PADI3: variants seen among roughly 807,000 people sequenced by gnomAD.
The protein encoded by PADI3 is peptidyl arginine deiminase 3, also known as protein-arginine deiminase type-3.
PADI3 carries 53 observed loss-of-function variants against 71.5 expected under a neutral mutation model. The observed-to-expected ratio is 0.74, with a 90% confidence interval of 0.59 to 0.93. The LOEUF (loss-of-function observed/expected upper bound fraction) is 0.93. Ranked by LOEUF, PADI3 falls within the 40% of genes least tolerant of loss-of-function variation. PADI3 has a pLI of 0.00. For synonymous variants in PADI3, 361 were observed against 347.5 expected, an observed-to-expected ratio of 1.04 and a Z score of -0.43; for missense variants, 821 against 868.0, an observed-to-expected ratio of 0.95 and a Z score of 0.68.
chr1:17,252,408 T>G (rs1433166067), intron 1 of PADI3, among the ~76,000 whole-genome samples: 4 of 150,916 alleles, frequency 2.7e-5, no homozygotes, highest in African/African-American at 9.7e-5. Flanking sequence ...TTCTTTTTTT[T>G]TTTTTTTTGT....
intron 5 of PADI3, among the ~76,000 whole-genome samples, 167 bp downstream of exon 5, chr1:17,267,003 C>T (rs1188665697): frequency 2.0e-5 from 3 of 152,226 alleles, no homozygotes; most frequent in Admixed American, 6.5e-5. Flanking sequence ...TGGCAGCTGC[C>T]CCTCCCTAGT....
intron 1 of PADI3, among the ~76,000 whole-genome samples, chr1:17,257,916 T>A (rs1258951706): frequency 6.6e-6 from 1 of 152,166 alleles, no homozygotes; most frequent in African/African-American, 2.4e-5. Flanking sequence ...CCTGCCGTGA[T>A]AAGAGTGCAG....
At chr1:17,277,525 T>C (rs995461923) in intron 13 of PADI3, among the ~76,000 whole-genome samples, 1 of 152,196 alleles carries the variant, frequency 6.6e-6, no homozygotes, top group African/African-American at 2.4e-5. Flanking sequence ...TTTTGTGAGG[T>C]CTGATGGATC....
In PADI3 at chr1:17,278,769, T is replaced by C. The variant is rs554675130; in HGVS notation, c.1556-1581T>C. The stretch of plus-strand genomic sequence containing the variant: ...CATAGATTTTCTTGGTCCCATGGCC[T>C]CAGGGAAGGCAGATAGCATCCTAGA... On this transcript the variant is annotated intron_variant, in intron 13 of 15. Coordinates refer to ENST00000375460, the MANE Select transcript of PADI3 (RefSeq NM_016233.2). Among the ~76,000 whole-genome samples, 17 of 152,086 alleles carry C rather than the reference T, an allele frequency of 1.1e-4. 1 individual carries two copies. Among genetic ancestry groups the C allele is most frequent in the African/African-American group, 4.1e-4 (17 of 41,464 alleles).
intron 3 of PADI3, among the ~76,000 whole-genome samples, chr1:17,263,863 A>G (rs538147543): frequency 1.5e-3 from 226 of 152,222 alleles, no homozygotes; most frequent in Non-Finnish European, 2.8e-3. Context: ...AACCCAAATT[A>G]AAAGATGCCT....
intron 13 of PADI3, among the ~76,000 whole-genome samples, chr1:17,277,677 C>G (rs2073353089): frequency 6.6e-6 from 1 of 152,254 alleles, no homozygotes; most frequent in Non-Finnish European, 1.5e-5. Context: ...ATCTCTGTCA[C>G]TGTCCTGAGA....
Position 17,265,659 on chromosome 1 carries a change from ACATCTCTCTGGATTG to A in PADI3, c.349_363del (p.Ile117_Cys121del), listed in dbSNP as rs1432281448. 2 of 1,614,070 alleles carry A rather than the reference ACATCTCTCTGGATTG, an allele frequency of 1.2e-6. No individual in the cohort carries two copies. The highest frequency in any genetic ancestry group is 8.5e-7 in the Non-Finnish European group (1 of 1,179,930). On this transcript the variant is annotated inframe_deletion and splice_region_variant, in exon 4 of 16. Coordinates refer to ENST00000375460, the MANE Select transcript of PADI3 (RefSeq NM_016233.2). ...ACTTACCCTCTGCCTCCTCTTGCAG[ACATCTCTCTGGATTG>A]CGACCTGAACTGTGAGGGAAGGCAG...
rs532392877 is a variant in PADI3, at chr1:17,270,287, C to G, written c.707C>G (p.Ser236Cys). The G allele has an allele frequency of 4.8e-5, 77 of 1,613,874 alleles. No homozygotes were observed. The highest frequency in any genetic ancestry group is 4.7e-4 in the Admixed American group (28 of 59,978). The change falls in exon 7 of 16, where the codon TCC (serine) becomes TGC (cysteine). Residue 236 changes from serine to cysteine, a missense_variant. Ser to Cys is a moderately radical substitution (Grantham distance 112). Coordinates refer to ENST00000375460, the MANE Select transcript of PADI3 (RefSeq NM_016233.2). ...CATGTGCTGGGCCAAGATAAGGTGT[C>G]CTATGAGGTACCCCGCTTGCATGGG... ...YRHVLGQDKV[S>C]YEVPRLHGDE... is the part of the protein sequence containing the mutation.
chr1:17,270,413 T>C lies in PADI3; in HGVS notation c.831+2T>C, dbSNP rs2073231475. 1.2e-6 allele frequency: 2 copies of C among 1,609,560 alleles called. No homozygotes were observed. Among genetic ancestry groups the C allele is most frequent in the African/African-American group, 1.4e-5 (1 of 73,842 alleles). On this transcript the variant is annotated splice_donor_variant, in intron 7 of 15. Transcript: ENST00000375460. LOFTEE classifies it high-confidence loss of function. Reference sequence around the variant, plus strand: ...ACTCTGCTGGACGACTCCAACGAGGTAGGGACAGAGGGGGTTCAAGAGGAG... The same window carrying C: ...ACTCTGCTGGACGACTCCAACGAGGCAGGGACAGAGGGGGTTCAAGAGGAG...
chr1:17,261,974 G>A (rs975944078), intron 2 of PADI3, among the ~76,000 whole-genome samples, 159 bp from the exon 3 acceptor site: 2 of 152,198 alleles, frequency 1.3e-5, no homozygotes, highest in African/African-American at 4.8e-5. Flanking sequence ...TTACAGATAT[G>A]CCAACCAAGA....
chr1:17,271,548 A>G (rs2073251427), intron 9 of PADI3, among the ~76,000 whole-genome samples: 1 of 152,086 alleles, frequency 6.6e-6, no homozygotes, highest in Non-Finnish European at 1.5e-5. Flanking sequence ...AGCCCCCACA[A>G]TAACATATCA....
At position 17,276,650 on chromosome 1, in the gene PADI3, C is replaced by G; in HGVS notation, c.1439C>G (p.Ala480Gly). 6.2e-7 allele frequency: 1 copy of G among 1,614,028 alleles called. No homozygotes were observed. The highest frequency in any genetic ancestry group is 1.1e-5 in the South Asian group (1 of 91,080). ...HVDEFLSFVPAPDGKGFRMLL... is the reference protein window; with the variant it reads ...HVDEFLSFVPGPDGKGFRMLL... The stretch of plus-strand genomic sequence containing the variant: ...GATGAGTTTCTGAGCTTTGTCCCTG[C>G]CCCCGATGGGAAGGTAAGAACTTCG... Residue 480 changes from alanine (A) to glycine (G), a missense_variant, in exon 12 of 16, where the codon GCC becomes GGC. Coordinates refer to ENST00000375460, the MANE Select transcript of PADI3 (RefSeq NM_016233.2).
Position 17,282,964 on chromosome 1 carries a change from A to C in PADI3, c.1880A>C (p.His627Pro). Reference protein sequence around the residue: ...VRSLLEPLGLHCTFIDDFTPY... With the variant: ...VRSLLEPLGLPCTFIDDFTPY... ...TCCCTGCTGGAGCCGCTGGGCCTCC[A>C]CTGCACCTTCATTGATGACTTCACT... The change falls in exon 16 of 16, where the codon CAC (histidine) becomes CCC (proline). Residue 627 changes from histidine to proline, a missense_variant. Physicochemically the swap from His to Pro is moderately conservative, Grantham distance 77. Coordinates refer to ENST00000375460, the MANE Select transcript of PADI3 (RefSeq NM_016233.2). 4 of 1,614,192 alleles carry C rather than the reference A, an allele frequency of 2.5e-6. No individual in the cohort carries two copies. Among genetic ancestry groups the C allele is most frequent in the Non-Finnish European group, 3.4e-6 (4 of 1,180,004 alleles).
At chr1:17,276,402 C>A (rs2073330542) in intron 11 of PADI3, 117 bp from the exon 12 acceptor site, 1 of 869,576 alleles carries the variant, frequency 1.1e-6, no homozygotes, top group Admixed American at 2.3e-5. Context: ...AAAAGTAATG[C>A]ATGTTTTTTT....
chr1:17,265,847 A>G, intron 4 of PADI3, 127 bp downstream of exon 4: 2 of 771,046 alleles, frequency 2.6e-6, no homozygotes, highest in South Asian at 3.2e-5. Flanking sequence ...CCAAGGGCCA[A>G]AAACAGAAAC....
At chr1:17,265,372 C>T (rs555129210) in intron 3 of PADI3, among the ~76,000 whole-genome samples, 83 of 150,410 alleles carry the variant, frequency 5.5e-4, no homozygotes, top group African/African-American at 2.0e-3. Context: ...GACCTGGGCT[C>T]AGTTCAGGGC....
chr1:17,283,039 G>A lies in PADI3; in HGVS notation c.1955G>A (p.Arg652Lys), dbSNP rs1437225536. ...GTGCACTGTGGCACCAATGTGTGCA[G>A]AAAGCCCTTCTCTTTCAAGTGGTGG... ...GEVHCGTNVC[R>K]KPFSFKWWNM... Residue 652 changes from arginine to lysine, a missense_variant, in exon 16 of 16, where the codon AGA becomes AAA. Transcript: ENST00000375460. 2 of 1,614,112 alleles carry A rather than the reference G, an allele frequency of 1.2e-6. No individual in the cohort carries two copies. Among genetic ancestry groups the A allele is most frequent in the African/African-American group, 2.7e-5 (2 of 74,958 alleles).
In PADI3 at chr1:17,276,892, G is replaced by A. The variant is rs746241350; in HGVS notation, c.1555+16G>A. ...GGGGTTGTTGGTGGGTAACAGTGCC[G>A]TGTCCCTCCTTGCGGCTTGCCTGCC... On this transcript the variant is annotated intron_variant, in intron 13 of 15. Coordinates refer to ENST00000375460, the MANE Select transcript of PADI3 (RefSeq NM_016233.2). 2.4e-5 allele frequency: 38 copies of A among 1,591,490 alleles called. No homozygotes were observed. The East Asian group carries it at 5.4e-4, about 23-fold the overall frequency.
At chr1:17,262,910 T>TTTTTTTTG (rs2073121094) in intron 3 of PADI3, among the ~76,000 whole-genome samples, 1 of 151,894 alleles carries the variant, frequency 6.6e-6, no homozygotes, top group Non-Finnish European at 1.5e-5. Flanking sequence ...AACGTGGCTT[T>TTTTTTTTG]TTTGTTTGTT....
Sources: allele counts gnomAD v4.1 joint callset (sites outside exome capture counted in the v4.1 genomes callset), GRCh38; gene constraint gnomAD v4.1.1; transcripts MANE v1.5; gene names NCBI Gene and HGNC (gene_info 2026-07-23, HGNC 2026-07-21).